GOLGA3: variants seen among roughly 807,000 people sequenced by gnomAD.
GOLGA3 encodes golgin A3.
Under a neutral mutation model 169.4 loss-of-function variants are expected in GOLGA3, and 75 were observed. The observed-to-expected ratio is 0.44, with a 90% confidence interval of 0.37 to 0.54. The LOEUF is 0.54. Ranked by LOEUF, GOLGA3 falls within the 20% of genes least tolerant of loss-of-function variation. The pLI is 0.00. For missense variants in GOLGA3, 1,899 were observed against 1,930.0 expected, an observed-to-expected ratio of 0.98 and a Z score of 0.30; for synonymous variants, 824 against 822.4, an observed-to-expected ratio of 1.00 and a Z score of -0.03.
At chr12:132,812,936 A>C (rs554244521) in intron 4 of GOLGA3, among the ~76,000 whole-genome samples, 1 of 152,364 alleles carries the variant, frequency 6.6e-6, no homozygotes, top group South Asian at 2.1e-4. Context: ...TTAGTAATAA[A>C]GCATTTTCAA....
rs959796796 is a variant in GOLGA3 at position 132,769,625 on chromosome 12, C to T, written c.*3480G>A. 5.9e-5 allele frequency: 9 copies of T among 152,204 alleles called. No individual in the cohort carries two copies. The highest frequency in any genetic ancestry group is 2.2e-4 in the African/African-American group (9 of 41,446). The allele number at this position is 152,204 out of a possible 1,614,324, so 9.4% of individuals were successfully genotyped here. On this transcript the variant is annotated 3_prime_UTR_variant, in exon 24 of 24. Transcript: ENST00000450791. ...AAACCAAGTTACGTTGTTTTTGGAA[C>T]ATCAGAAAAACAAGTAGTGACATCG...
intron 18 of GOLGA3, among the ~76,000 whole-genome samples, chr12:132,779,777 C>T (rs1439082821): frequency 1.5e-5 from 2 of 131,414 alleles, no homozygotes; most frequent in Non-Finnish European, 3.4e-5. Flanking sequence ...GGACACCCCC[C>T]CCGTGCACAT....
At chr12:132,784,136 G>A (rs368128069) in intron 16 of GOLGA3, 28 bp downstream of exon 16, 26 of 1,602,764 alleles carry the variant, frequency 1.6e-5, no homozygotes, top group African/African-American at 4.0e-5. Flanking sequence ...GCCCCACGCT[G>A]CCGCCACAGC....
At chr12:132,809,739 C>T (rs994095734) in intron 4 of GOLGA3, among the ~76,000 whole-genome samples, 2 of 152,246 alleles carry the variant, frequency 1.3e-5, no homozygotes, top group African/African-American at 2.4e-5. Context: ...AAAGTAATTG[C>T]TACAAACTAA....
intron 1 of GOLGA3, chr12:132,825,897 T>C: frequency 1.0e-6 from 1 of 961,322 alleles, no homozygotes; most frequent in Non-Finnish European, 1.7e-6. Flanking sequence ...ACTGGTGATG[T>C]CTCCATTCGA....
chr12:132,779,608 A>C (rs2045436594), intron 18 of GOLGA3, among the ~76,000 whole-genome samples: 2 of 152,222 alleles, frequency 1.3e-5, no homozygotes, highest in African/African-American at 4.8e-5. Flanking sequence ...ACGGGATTTA[A>C]AGGAAAAGTG....
intron 7 of GOLGA3, 131 bp from the exon 8 acceptor site, chr12:132,802,100 T>C (rs561101946): frequency 1.5e-6 from 1 of 689,534 alleles, no homozygotes; most frequent in Non-Finnish European, 2.4e-6. Context: ...TTATTCCCCA[T>C]AGCTGACTCC....
Position 132,816,617 on chromosome 12 carries a change from G to C in GOLGA3, c.329C>G (p.Thr110Ser), listed in dbSNP as rs1949970643. 1 of 1,613,906 alleles carries C rather than the reference G, an allele frequency of 6.2e-7. No individual in the cohort carries two copies. The highest frequency in any genetic ancestry group is 1.1e-5 in the South Asian group (1 of 91,094). Residue 110 changes from threonine (T) to serine (S), a missense_variant, in exon 3 of 24, where the codon ACT (threonine) becomes AGT (serine). Thr to Ser is a moderately conservative substitution (Grantham distance 58). Transcript: ENST00000450791. ...FHDNLRKSQG[T>S]SAEGSVRKEA... ...TTTTCTAACACTGCCCTCAGCACTA[G>C]TTCCCTGAGACTTCCTTAGGTTGTC...
chr12:132,798,619 G>T, intron 8 of GOLGA3, 142 bp from the exon 9 acceptor site: 1 of 375,424 alleles, frequency 2.7e-6, no homozygotes, highest in East Asian at 8.1e-5. Context: ...CCCACTACAC[G>T]TCTTCCCATC....
chr12:132,813,184 T>C (rs1365862947), intron 4 of GOLGA3, 123 bp downstream of exon 4: 3 of 660,838 alleles, frequency 4.5e-6, no homozygotes, highest in Admixed American at 5.1e-5. Flanking sequence ...AAAATGTGCT[T>C]GTTGCCCCTG....
intron 1 of GOLGA3, among the ~76,000 whole-genome samples, chr12:132,825,470 C>T (rs1310988427): frequency 1.3e-5 from 2 of 152,222 alleles, no homozygotes; most frequent in African/African-American, 4.8e-5. Context: ...GTTTAATTTG[C>T]CGAATTAAAT....
chr12:132,784,563 C>A (rs1472375351), intron 15 of GOLGA3, among the ~76,000 whole-genome samples: 1 of 152,202 alleles, frequency 6.6e-6, no homozygotes, highest in African/African-American at 2.4e-5. Flanking sequence ...AGAAGAAAAT[C>A]TGACCTGCAG....
intron 4 of GOLGA3, among the ~76,000 whole-genome samples, chr12:132,810,384 A>C (rs184256543): frequency 1.6e-4 from 24 of 152,326 alleles, no homozygotes; most frequent in Non-Finnish European, 1.9e-4. Context: ...GAGGCAAGAG[A>C]CTGAGGACGC....
At chr12:132,805,674 G>A (rs181286159) in intron 6 of GOLGA3, among the ~76,000 whole-genome samples, 3 of 152,168 alleles carry the variant, frequency 2.0e-5, no homozygotes, top group South Asian at 2.1e-4. Flanking sequence ...AGAAAAAGGC[G>A]ACTTTCCAAA....
intron 21 of GOLGA3, among the ~76,000 whole-genome samples, chr12:132,775,992 C>T (rs2045206725): frequency 1.3e-5 from 2 of 152,266 alleles, no homozygotes; most frequent in Non-Finnish European, 2.9e-5. Context: ...TTCGCCCCTG[C>T]CTCTGTCCTG....
At chr12:132,790,657 C>T (rs1370246057) in intron 12 of GOLGA3, among the ~76,000 whole-genome samples, 2 of 152,098 alleles carry the variant, frequency 1.3e-5, no homozygotes, top group East Asian at 1.9e-4. Context: ...TGCTGACAGG[C>T]GCTCCAGTGA....
intron 9 of GOLGA3, among the ~76,000 whole-genome samples, chr12:132,798,014 GC>G (rs1948941725): frequency 6.6e-6 from 1 of 152,210 alleles, no homozygotes; most frequent in Non-Finnish European, 1.5e-5. Context: ...ATGACTGACA[GC>G]CGGGGGCCCA....
intron 17 of GOLGA3, among the ~76,000 whole-genome samples, chr12:132,781,120 G>A (rs12813639): frequency 0.3 from 46,132 of 152,088 alleles, 7,237 homozygotes; most frequent in Middle Eastern, 0.46. Context: ...AACGTGGCAC[G>A]CCTGTGGGCC....
chr12:132,773,377 A>AGCACCTGAGTGGACCGGG, intron 23 of GOLGA3, 83 bp from the exon 24 acceptor site: 1 of 887,482 alleles, frequency 1.1e-6, no homozygotes, highest in Non-Finnish European at 1.6e-6. Flanking sequence ...GTCACTCGCT[A>AGCACCTGAGTGGACCGGG]GCACCTGAGT....
Sources: gnomAD v4.1 joint callset for allele counts (sites outside exome capture counted in the v4.1 genomes callset) on GRCh38, gnomAD v4.1.1 for gene constraint, MANE v1.5 for transcripts, NCBI Gene and HGNC (gene_info 2026-07-23, HGNC 2026-07-21) for gene names.